Variants in DMXL2 observed in about 807,000 individuals in gnomAD.
DMXL2 encodes Dmx like 2.
Under a neutral mutation model 331.1 loss-of-function variants are expected in DMXL2, and 103 were observed. The observed-to-expected ratio is 0.31, with a 90% CI of 0.27 to 0.37. DMXL2 has a LOEUF of 0.37. Among genes scored for constraint, DMXL2 ranks in the 10% least tolerant of loss-of-function variants. DMXL2 has a pLI of 1.00. For missense variants in DMXL2, 3,171 were observed against 3,642.9 expected, an observed-to-expected ratio of 0.87 and a Z score of 3.33; for synonymous variants, 1,281 against 1,252.1, an observed-to-expected ratio of 1.02 and a Z score of -0.49.
chr15:51,517,778 G>A (rs947981795), intron 13 of DMXL2, among the ~76,000 whole-genome samples: 6 of 152,122 alleles, frequency 3.9e-5, no homozygotes, highest in South Asian at 2.1e-4. Flanking sequence ...ACCTCAAAAA[G>A]GCCAATAAGA....
At chr15:51,591,679 C>G (rs891300245) in intron 1 of DMXL2, among the ~76,000 whole-genome samples, 1 of 152,202 alleles carries the variant, frequency 6.6e-6, no homozygotes, top group East Asian at 1.9e-4. Flanking sequence ...AGGCACCCCC[C>G]AGTAGGGGCA....
chr15:51,589,804 TA>T (rs1211718392), intron 1 of DMXL2, among the ~76,000 whole-genome samples: 1 of 152,356 alleles, frequency 6.6e-6, no homozygotes, highest in East Asian at 1.9e-4. Flanking sequence ...ATTAAGAGAC[TA>T]TAAAGAGAAT....
At chr15:51,515,766 G>C (rs1157435098) in intron 14 of DMXL2, among the ~76,000 whole-genome samples, 2 of 152,184 alleles carry the variant, frequency 1.3e-5, no homozygotes, top group Non-Finnish European at 2.9e-5. Context: ...AGAGCAGACT[G>C]TGTTAATATC....
At chr15:51,479,870 G>T in intron 25 of DMXL2, 78 bp downstream of exon 25, 1 of 1,121,280 alleles carries the variant, frequency 8.9e-7, no homozygotes. Flanking sequence ...TTTCCCCTAA[G>T]TTCGAATTAA....
chr15:51,477,188 C>T (rs11639056), intron 26 of DMXL2, among the ~76,000 whole-genome samples: 39 of 151,834 alleles, frequency 2.6e-4, no homozygotes, highest in Admixed American at 5.3e-4. Flanking sequence ...TTAGAAATAC[C>T]TAAACCTAAA....
At position 51,547,322 on chromosome 15, in the gene DMXL2, T is replaced by A; in HGVS notation, c.654A>T (p.Arg218Ser). 1 of 1,613,108 alleles carries A rather than the reference T, an allele frequency of 6.2e-7. No individual in the cohort carries two copies. The highest frequency in any genetic ancestry group is 8.5e-7 in the Non-Finnish European group (1 of 1,179,378). ...IPQDHHEVKR[R>S]QSSTQFSFVY... Reference sequence around the variant, plus strand: ...CAAAAGAAAATTGAGTAGAGGACTGTCTCCTTTTTACTTCATGATGATCCT... The same window carrying A: ...CAAAAGAAAATTGAGTAGAGGACTGACTCCTTTTTACTTCATGATGATCCT... The change falls in exon 7 of 44, where the codon AGA (arginine) becomes AGT (serine). Residue 218 changes from arginine (R) to serine (S), a missense_variant. Around this residue, in one of 7 missense-constraint regions of DMXL2, gnomAD observed 1,674 missense variants for 1,780.2 expected, o/e 0.94. Transcript: ENST00000560891.
In DMXL2 at chr15:51,486,284, T is replaced by TA; in HGVS notation, c.5270dup (p.Leu1757PhefsTer3). On this transcript the variant is annotated frameshift_variant, in exon 23 of 44. Transcript: ENST00000560891. LOFTEE classifies it high-confidence loss of function. ...ATGAAGTCTCAAATTCAGATTCATA[T>TA]AAACGGGCAATAACCATGGCTAGCT... 1 of 1,610,728 alleles carries TA rather than the reference T, an allele frequency of 6.2e-7. No homozygotes were observed. Among genetic ancestry groups the TA allele is most frequent in the Non-Finnish European group, 8.5e-7 (1 of 1,177,088 alleles).
rs1567089373 is a variant in DMXL2, at chr15:51,539,456, TA to T, written c.1106-1005del. On this transcript the variant is annotated intron_variant, in intron 9 of 43. Transcript: ENST00000560891. ...AAGAAGGCAGGCAAAATTCTAAGTA[TA>T]AGATAATTTCTCCATTTGAGGTAAC... is the stretch of plus-strand genomic sequence containing the variant. Among the ~76,000 whole-genome samples, 4 of 152,258 alleles carry T rather than the reference TA, an allele frequency of 2.6e-5. No homozygotes were observed. The East Asian group carries it at 5.8e-4, about 22-fold the overall frequency.
chr15:51,459,702 G>A (rs1345433659), intron 33 of DMXL2, 42 bp from the exon 34 acceptor site: 1 of 1,286,804 alleles, frequency 7.8e-7, no homozygotes, highest in African/African-American at 1.5e-5. Flanking sequence ...ACACATGCAT[G>A]GAATGAAATT....
chr15:51,463,334 A>G (rs2040290999), intron 33 of DMXL2, 45 bp downstream of exon 33: 1 of 1,224,952 alleles, frequency 8.2e-7, no homozygotes, highest in Non-Finnish European at 1.2e-6. Context: ...AATGTTAAAG[A>G]AAACTAAAGA....
intron 6 of DMXL2, among the ~76,000 whole-genome samples, chr15:51,554,916 G>A (rs1344767997): frequency 6.6e-6 from 1 of 152,164 alleles, no homozygotes; most frequent in Non-Finnish European, 1.5e-5. Context: ...CCAGCACTTT[G>A]GGAGACCAAG....
chr15:51,538,980 CG>C lies in DMXL2; in HGVS notation c.1106-529del, dbSNP rs1451502196. On this transcript the variant is annotated intron_variant, in intron 9 of 43. Transcript: ENST00000560891. Reference sequence around the variant, plus strand: ...ATCCTAGCATTTTGGGAGGGAGAGGCGGGTGGATTGCCTGAGCTCAGGAGAT... The same window carrying C: ...ATCCTAGCATTTTGGGAGGGAGAGGCGGTGGATTGCCTGAGCTCAGGAGAT... Among the ~76,000 whole-genome samples the C allele has an allele frequency of 2.6e-5, 4 of 151,856 alleles. No individual in the cohort carries two copies. In the East Asian group the frequency reaches 7.7e-4, roughly 29 times the overall value.
chr15:51,561,497 C>T (rs1432323953), intron 6 of DMXL2, among the ~76,000 whole-genome samples: 2 of 150,000 alleles, frequency 1.3e-5, no homozygotes, highest in Non-Finnish European at 3.0e-5. Context: ...AGAGGCAGGC[C>T]AGGCATGCAG....
intron 40 of DMXL2, among the ~76,000 whole-genome samples, chr15:51,454,503 CT>C (rs748574067): frequency 1.1e-4 from 16 of 151,748 alleles, no homozygotes; most frequent in African/African-American, 3.4e-4. Flanking sequence ...GAACCTGATT[CT>C]TTTTTTTTCT....
intron 1 of DMXL2, among the ~76,000 whole-genome samples, chr15:51,586,399 A>G (rs72729299): frequency 0.016 from 2,381 of 152,286 alleles, 22 homozygotes; most frequent in Non-Finnish European, 0.026. Flanking sequence ...ATCTATGGGA[A>G]GAAAAAAACA....
intron 6 of DMXL2, among the ~76,000 whole-genome samples, chr15:51,551,464 T>C (rs1355282419): frequency 6.6e-6 from 1 of 152,230 alleles, no homozygotes; most frequent in Non-Finnish European, 1.5e-5. Context: ...AAGCTACTAT[T>C]CTTAATTCAA....
intron 19 of DMXL2, among the ~76,000 whole-genome samples, chr15:51,493,484 G>A (rs1044088427): frequency 7.2e-5 from 11 of 152,108 alleles, no homozygotes; most frequent in Non-Finnish European, 1.2e-4. Context: ...ACAGGGGCAC[G>A]AATAGGCACT....
In DMXL2 at chr15:51,509,164, A is replaced by G. The variant is rs555811317; in HGVS notation, c.2645-1911T>C. 2.0e-5 allele frequency among the ~76,000 whole-genome samples: 3 copies of G among 152,216 alleles called. No individual in the cohort carries two copies. The South Asian group carries it at 6.2e-4, about 32-fold the overall frequency. ...GTAGACAAGAAAAAGTTTAAACAAC[A>G]TCACAAGTAAGTAGTCAGAGAAACT... On this transcript the variant is annotated intron_variant, in intron 15 of 43. Transcript: ENST00000560891.
chr15:51,494,265 T>G (rs1178380934), intron 19 of DMXL2, among the ~76,000 whole-genome samples: 1 of 152,284 alleles, frequency 6.6e-6, no homozygotes, highest in East Asian at 1.9e-4. Context: ...TCAAAGAACA[T>G]TCATAGGTTA....
Sources: gnomAD v4.1 joint callset for allele counts (sites outside exome capture counted in the v4.1 genomes callset) on GRCh38, gnomAD v4.1.1 for gene constraint, gnomAD v4.1.1 regional missense constraint, MANE v1.5 for transcripts, NCBI Gene and HGNC (gene_info 2026-07-23, HGNC 2026-07-21) for gene names.